The following CRB2 variants were observed in gnomAD, a reference collection of about 807,000 sequenced individuals.
CRB2 encodes the protein protein crumbs homolog 2.
Under a neutral mutation model 110.9 loss-of-function variants are expected in CRB2, and 85 were observed. The ratio of observed to expected loss-of-function variants is 0.77; its 90% CI spans 0.64 to 0.92. The LOEUF (loss-of-function observed/expected upper bound fraction) is 0.92. Ranked by LOEUF, CRB2 falls within the 40% of genes least tolerant of loss-of-function variation. The pLI is 0.00. For missense variants in CRB2, 1,843 were observed against 1,851.3 expected, an observed-to-expected ratio of 1.00 and a Z score of 0.08; for synonymous variants, 907 against 831.0, an observed-to-expected ratio of 1.09 and a Z score of -1.57.
chr9:123,376,781 G>GC lies in CRB2; in HGVS notation c.3634-53dup. The stretch of plus-strand genomic sequence containing the variant: ...GTGCTGCGCTCTCTGCTCTCTGAGG[G>GC]CCCCGGCGTCCTCCCCTTCTCTGCG... On this transcript the variant is annotated intron_variant, in intron 12 of 12. Coordinates refer to ENST00000373631, the MANE Select transcript of CRB2 (RefSeq NM_173689.7). The GC allele has an allele frequency of 2.0e-6, 3 of 1,469,568 alleles. No individual in the cohort carries two copies. In the South Asian group the frequency reaches 3.8e-5, roughly 18 times the overall value. 91.0% of individuals were successfully genotyped at this position (1,469,568 alleles called of 1,614,324 possible).
rs753983928 is a variant in CRB2 at position 123,371,579 on chromosome 9, G to GT, written c.2436+2dup. 1.9e-5 allele frequency: 30 copies of GT among 1,612,370 alleles called. No individual in the cohort carries two copies. In the South Asian group the frequency reaches 2.9e-4, roughly 15 times the overall value. On this transcript the variant is annotated splice_donor_variant, in intron 8 of 12. Transcript: ENST00000373631. LOFTEE classifies it high-confidence loss of function. ...CTGCGTCTCCGAGGACATGTGCAGTGTAAGTGTCTGGTGGCGGTGGTGGTG... is the reference window on the plus strand; with the variant it reads ...CTGCGTCTCCGAGGACATGTGCAGTGTTAAGTGTCTGGTGGCGGTGGTGGTG...
chr9:123,375,698 A>T (rs2042092748), intron 12 of CRB2, among the ~76,000 whole-genome samples: 1 of 152,186 alleles, frequency 6.6e-6, no homozygotes, highest in Non-Finnish European at 1.5e-5. Flanking sequence ...TGAATCCAGG[A>T]GACTCATCTC....
rs370371819 is a variant in CRB2 at position 123,370,101 on chromosome 9, C to T, written c.1055-7C>T. The T allele has an allele frequency of 3.8e-6, 6 of 1,572,660 alleles. No homozygotes were observed. The African/African-American group carries it at 8.1e-5, about 21-fold the overall frequency. On this transcript the variant is annotated splice_polypyrimidine_tract_variant and splice_region_variant and intron_variant, in intron 6 of 12. Coordinates refer to ENST00000373631, the MANE Select transcript of CRB2 (RefSeq NM_173689.7). ...ATTACTGAACCTTGGCTTTGTCTCTCCCAAAGGGCCGACATGTGAGGAAGA... is the reference window on the plus strand; with the variant it reads ...ATTACTGAACCTTGGCTTTGTCTCTTCCAAAGGGCCGACATGTGAGGAAGA...
chr9:123,373,672 GCCGGCC>G lies in CRB2; in HGVS notation c.3145_3150del (p.Ala1049_Pro1050del), dbSNP rs1310516667. On this transcript the variant is annotated inframe_deletion, in exon 10 of 13. Transcript: ENST00000373631. ...AGCACTTCGCGTCTTGGCCTGGGACGCCGGCCCCGATCCTCGGCTGCCGCGGCGCGC... is the reference window on the plus strand; with the variant it reads ...AGCACTTCGCGTCTTGGCCTGGGACGCCGATCCTCGGCTGCCGCGGCGCGC... 1 of 1,447,094 alleles carries G rather than the reference GCCGGCC, an allele frequency of 6.9e-7. No individual in the cohort carries two copies. The highest frequency in any genetic ancestry group is 3.0e-5 in the East Asian group (1 of 33,576). The allele number at this position is 1,447,094 out of a possible 1,614,324, so 89.6% of individuals were successfully genotyped here.
chr9:123,372,926 G>A (rs1296676562), intron 9 of CRB2, among the ~76,000 whole-genome samples: 1 of 152,230 alleles, frequency 6.6e-6, no homozygotes, highest in Non-Finnish European at 1.5e-5. Flanking sequence ...AGCACTGGCC[G>A]GGAACTGCTC....
chr9:123,374,207 G>C (rs2042068147), intron 10 of CRB2: 1 of 604,400 alleles, frequency 1.7e-6, no homozygotes, highest in Non-Finnish European at 2.9e-6. Context: ...TGGGGTGGAG[G>C]GAGGGGGTCA....
Position 123,377,227 on chromosome 9 carries a change from C to A in CRB2, c.*165C>A. 2 of 661,366 alleles carry A rather than the reference C, an allele frequency of 3.0e-6. No individual in the cohort carries two copies. Among genetic ancestry groups the A allele is most frequent in the South Asian group, 4.1e-5 (2 of 48,496 alleles). The allele number at this position is 661,366 out of a possible 1,614,324, so 41.0% of individuals were successfully genotyped here. A position where few individuals can be genotyped will look rare whatever the true frequency, so the allele number is the denominator to read the frequency against. ...CATCCTGGATGGAGGACGAGGGGAG[C>A]AACTCAGGGAAACAGAGGCCTAGAG... On this transcript the variant is annotated 3_prime_UTR_variant, in exon 13 of 13. Coordinates refer to ENST00000373631, the MANE Select transcript of CRB2 (RefSeq NM_173689.7).
chr9:123,363,064 G>A lies in CRB2; in HGVS notation c.294G>A (p.Pro98=), dbSNP rs140941179. 2.3e-5 allele frequency: 37 copies of A among 1,611,552 alleles called. No individual in the cohort carries two copies. The African/African-American group carries it at 3.6e-4, about 16-fold the overall frequency. ...DPTGFRCYCV[P]GFQGPRCELD... is the part of the protein sequence containing the mutation. ...CCGGCTTCCGCTGCTACTGCGTGCC[G>A]GGTTTCCAGGGCCCACGCTGCGAGC... is the stretch of plus-strand genomic sequence containing the variant. The change falls in exon 2 of 13, where the codon CCG becomes CCA. Residue 98 remains proline, a synonymous_variant. Coordinates refer to ENST00000373631, the MANE Select transcript of CRB2 (RefSeq NM_173689.7).
chr9:123,376,042 T>G (rs1268152570), intron 12 of CRB2, among the ~76,000 whole-genome samples: 2 of 151,710 alleles, frequency 1.3e-5, no homozygotes, highest in African/African-American at 2.4e-5. Flanking sequence ...TCCTTTCAAG[T>G]TGAACTTTTA....
In CRB2 at chr9:123,375,144, GGCAGCAGA is replaced by G. The variant is rs1393621966; in HGVS notation, c.3507-67_3507-60del. 5 of 1,595,146 alleles carry G rather than the reference GGCAGCAGA, an allele frequency of 3.1e-6. No individual in the cohort carries two copies. The African/African-American group carries it at 6.7e-5, about 21-fold the overall frequency. ...TCTGATGCTTGCTGAAGTGGGGATG[GGCAGCAGA>G]GCAGCTGGGAGCACAAGAGGCAGCC... On this transcript the variant is annotated intron_variant, in intron 11 of 12. Coordinates refer to ENST00000373631, the MANE Select transcript of CRB2 (RefSeq NM_173689.7).
chr9:123,365,835 C>A, intron 2 of CRB2, 82 bp from the exon 3 acceptor site: 1 of 1,225,674 alleles, frequency 8.2e-7, no homozygotes, highest in Non-Finnish European at 1.1e-6. Context: ...GAGTCTCTAA[C>A]TCTGGAGCAG....
intron 1 of CRB2, among the ~76,000 whole-genome samples, chr9:123,360,155 CA>C (rs2041851066): frequency 6.6e-6 from 1 of 152,190 alleles, no homozygotes; most frequent in Admixed American, 6.5e-5. Context: ...TAATGGCACC[CA>C]CCTTTTCTGG....
chr9:123,358,097 C>T (rs2041820684), intron 1 of CRB2, among the ~76,000 whole-genome samples: 1 of 152,196 alleles, frequency 6.6e-6, no homozygotes, highest in African/African-American at 2.4e-5. Context: ...CAGGCATGAC[C>T]ATTTCTGCAT....
At chr9:123,368,591 T>A (rs1351539304) in intron 6 of CRB2, among the ~76,000 whole-genome samples, 1 of 152,220 alleles carries the variant, frequency 6.6e-6, no homozygotes, top group African/African-American at 2.4e-5. Context: ...GGGGGTGTCA[T>A]CCCCCAGGTT....
rs144365725 is a variant in CRB2 at position 123,370,882 on chromosome 9, G to A, written c.1829G>A (p.Arg610Gln). The stretch of plus-strand genomic sequence containing the variant: ...GGCTGTGAGCGCCGAGAGCAGTGCC[G>A]GCCTCTGCCTTGTGTCCACGGAGGG... Reference protein sequence around the residue: ...LLGCERREQCRPLPCVHGGSC... With the variant: ...LLGCERREQCQPLPCVHGGSC... The change falls in exon 7 of 13, where the codon CGG becomes CAG. Residue 610 changes from arginine (R) to glutamine (Q), a missense_variant. By Grantham distance (43) the Arg-to-Gln change is conservative (BLOSUM62 1). Coordinates refer to ENST00000373631, the MANE Select transcript of CRB2 (RefSeq NM_173689.7). The A allele has an allele frequency of 1.2e-5, 19 of 1,611,928 alleles. No individual in the cohort carries two copies. The highest frequency in any genetic ancestry group is 2.7e-5 in the African/African-American group (2 of 74,922).
At chr9:123,374,786 C>T in intron 11 of CRB2, 91 bp downstream of exon 11, 1 of 782,780 alleles carries the variant, frequency 1.3e-6, no homozygotes, top group Admixed American at 2.3e-5. Flanking sequence ...CCTCGCCCAC[C>T]TTCTCACCCC....
chr9:123,374,766 G>A (rs1030049818), intron 11 of CRB2, 71 bp downstream of exon 11: 1 of 1,128,972 alleles, frequency 8.9e-7, no homozygotes, highest in East Asian at 2.4e-5. Context: ...AGCCAGGGTG[G>A]GGCGGGGGTC....
At chr9:123,355,044 A>T (rs374647971), upstream of CRB2, among the ~76,000 whole-genome samples, 11 of 152,336 alleles carry the variant, frequency 7.2e-5, no homozygotes, top group East Asian at 1.9e-3. Flanking sequence ...CGGTTACTGA[A>T]TAGGGACAAA....
chr9:123,357,260 G>A (rs577683868), intron 1 of CRB2, among the ~76,000 whole-genome samples: 3 of 152,218 alleles, frequency 2.0e-5, no homozygotes. Context: ...GGGGTCCAAG[G>A]GAACGCTTGG....
Sources: allele counts gnomAD v4.1 joint callset (sites outside exome capture counted in the v4.1 genomes callset), GRCh38; gene constraint gnomAD v4.1.1; transcripts MANE v1.5; gene names NCBI Gene and HGNC (gene_info 2026-07-23, HGNC 2026-07-21).